The following CR1L variants were observed in gnomAD, a reference collection of about 807,000 sequenced individuals.
CR1L encodes the protein complement component receptor 1-like protein.
Under a neutral mutation model 62.3 loss-of-function variants are expected in CR1L, and 59 were observed. The observed-to-expected ratio is 0.95, with a 90% CI of 0.77 to 1.18. The LOEUF (loss-of-function observed/expected upper bound fraction) is 1.18. Ranked by LOEUF, CR1L falls within the 50% of genes most tolerant of loss-of-function variation. The pLI, the probability that CR1L is intolerant of heterozygous loss-of-function variation, is 0.00. For missense variants in CR1L, 700 were observed against 702.8 expected (o/e 1.00, Z 0.04); for synonymous variants, 279 against 248.7 (o/e 1.12, Z -1.15).
At chr1:207,651,711 A>G (rs1320012116) in intron 1 of CR1L, among the ~76,000 whole-genome samples, 1 of 152,204 alleles carries the variant, frequency 6.6e-6, no homozygotes, top group Non-Finnish European at 1.5e-5. Flanking sequence ...CCACAGCAAT[A>G]TAGTAGCTTT....
intron 1 of CR1L, among the ~76,000 whole-genome samples, chr1:207,662,377 C>T (rs1663439731): frequency 1.3e-5 from 2 of 152,180 alleles, no homozygotes; most frequent in Non-Finnish European, 2.9e-5. Context: ...AACTTCTCTT[C>T]TCACTTCATT....
At chr1:207,662,975 T>A (rs1363582551) in intron 1 of CR1L, among the ~76,000 whole-genome samples, 1 of 152,212 alleles carries the variant, frequency 6.6e-6, no homozygotes, top group African/African-American at 2.4e-5. Flanking sequence ...ACTGGTGAAC[T>A]GCAAATGCTG....
intron 1 of CR1L, among the ~76,000 whole-genome samples, chr1:207,664,860 A>T (rs1663489518): frequency 6.6e-6 from 1 of 152,210 alleles, no homozygotes; most frequent in South Asian, 2.1e-4. Flanking sequence ...GTTAAGGTAG[A>T]TCTAAATGTG....
At chr1:207,664,966 A>G (rs768353387) in intron 1 of CR1L, among the ~76,000 whole-genome samples, 6 of 152,260 alleles carry the variant, frequency 3.9e-5, no homozygotes, top group Admixed American at 2.0e-4. Context: ...AAAAAGATAC[A>G]TATGTTTACC....
chr1:207,651,963 T>G (rs1663229961), intron 1 of CR1L, among the ~76,000 whole-genome samples: 1 of 152,262 alleles, frequency 6.6e-6, no homozygotes, highest in Admixed American at 6.5e-5. Flanking sequence ...TTTTAGAATA[T>G]TTGAGTTCAT....
chr1:207,652,421 A>G, intron 1 of CR1L: 1 of 659,634 alleles, frequency 1.5e-6, no homozygotes, highest in South Asian at 1.6e-5. Context: ...AGCATGGAAC[A>G]GTCATTTAAA....
intron 1 of CR1L, among the ~76,000 whole-genome samples, chr1:207,650,830 G>A (rs1663211963): frequency 6.6e-6 from 1 of 151,280 alleles, no homozygotes; most frequent in South Asian, 2.1e-4. Context: ...CTGCTGCCCA[G>A]GCTGGAGTGC....
intron 4 of CR1L, among the ~76,000 whole-genome samples, chr1:207,689,364 TGTGA>T (rs1663959959): frequency 6.6e-6 from 1 of 152,044 alleles, no homozygotes; most frequent in African/African-American, 2.4e-5. Flanking sequence ...ATGAAATGTG[TGTGA>T]GTGTGTGTGT....
chr1:207,679,322 A>T (rs140215934), intron 3 of CR1L, among the ~76,000 whole-genome samples: 1 of 151,904 alleles, frequency 6.6e-6, no homozygotes, highest in Non-Finnish European at 1.5e-5. Flanking sequence ...CTCTCTTTCA[A>T]TAAGGACACC....
intron 1 of CR1L, among the ~76,000 whole-genome samples, chr1:207,650,822 G>A (rs1215103943): frequency 6.7e-6 from 1 of 149,940 alleles, no homozygotes; most frequent in Non-Finnish European, 1.5e-5. Flanking sequence ...GTCTCGCTCT[G>A]CTGCCCAGGC....
intron 9 of CR1L, among the ~76,000 whole-genome samples, chr1:207,707,393 C>T (rs962428003): frequency 2.6e-5 from 4 of 152,128 alleles, no homozygotes; most frequent in African/African-American, 7.2e-5. Context: ...TTTGGGAGGC[C>T]GAGGTGGGAG....
At chr1:207,720,213 G>T (rs911999461) in intron 11 of CR1L, among the ~76,000 whole-genome samples, 1 of 152,168 alleles carries the variant, frequency 6.6e-6, no homozygotes, top group Non-Finnish European at 1.5e-5. Flanking sequence ...ACTAAAAGCA[G>T]TCCCCTTTGC....
chr1:207,648,509 G>A (rs1370242456), intron 1 of CR1L, among the ~76,000 whole-genome samples: 1 of 152,178 alleles, frequency 6.6e-6, no homozygotes, highest in African/African-American at 2.4e-5. Flanking sequence ...ATAAGGTTTT[G>A]TAAGCAGGTG....
At chr1:207,667,611 C>T (rs933438718) in intron 1 of CR1L, among the ~76,000 whole-genome samples, 2 of 152,198 alleles carry the variant, frequency 1.3e-5, no homozygotes, top group African/African-American at 4.8e-5. Flanking sequence ...ATTCAGCCTA[C>T]CACGCACTCC....
intron 9 of CR1L, among the ~76,000 whole-genome samples, chr1:207,706,089 G>A (rs917455102): frequency 5.4e-5 from 8 of 149,174 alleles, no homozygotes; most frequent in African/African-American, 2.0e-4. Context: ...AGTAAGAAGA[G>A]TTAACCAAAT....
chr1:207,685,851 C>T (rs115023184), intron 4 of CR1L, among the ~76,000 whole-genome samples: 3,288 of 152,242 alleles, frequency 0.022, 112 homozygotes, highest in African/African-American at 0.073. Context: ...GTTGCTTAAC[C>T]TCTGCCTCTC....
chr1:207,682,972 C>CTTTCTTTT (rs1553243540), intron 3 of CR1L, among the ~76,000 whole-genome samples: 24 of 141,624 alleles, frequency 1.7e-4, no homozygotes, highest in Admixed American at 4.2e-4. Context: ...TTCTTTCTTT[C>CTTTCTTTT]TTTCTTTCTT....
At chr1:207,646,957 G>A (rs1663137070) in intron 1 of CR1L, among the ~76,000 whole-genome samples, 1 of 152,070 alleles carries the variant, frequency 6.6e-6, no homozygotes, top group South Asian at 2.1e-4. Context: ...TATGTCTGGT[G>A]CTGTTACACT....
chr1:207,664,142 T>C (rs1008405475), intron 1 of CR1L, among the ~76,000 whole-genome samples: 3 of 152,214 alleles, frequency 2.0e-5, no homozygotes, highest in Admixed American at 1.3e-4. Flanking sequence ...TATTTTGATA[T>C]GATGGAAGGG....
Sources: gnomAD v4.1 joint callset for allele counts (sites outside exome capture counted in the v4.1 genomes callset) on GRCh38, gnomAD v4.1.1 for gene constraint, MANE v1.5 for transcripts, NCBI Gene and HGNC (gene_info 2026-07-23, HGNC 2026-07-21) for gene names.